Variants in ZMPSTE24 observed in about 807,000 individuals in gnomAD.
ZMPSTE24 encodes zinc metallopeptidase STE24.
ZMPSTE24 carries 48 observed loss-of-function variants against 56.7 expected under a neutral mutation model. That is an observed-to-expected ratio of 0.85 (90% CI 0.67 to 1.08). The LOEUF is 1.08. ZMPSTE24 is among the 50% of genes least tolerant of loss of function. The probability of loss-of-function intolerance (pLI) is 0.00; values close to 1 mark genes in which losing one functional copy is unlikely to be tolerated. For synonymous variants in ZMPSTE24, 172 were observed against 195.2 expected (o/e 0.88, Z 0.99); for missense variants, 503 against 548.7 (o/e 0.92, Z 0.83).
At chr1:40,268,949 G>A (rs866895718) in intron 4 of ZMPSTE24, among the ~76,000 whole-genome samples, 1 of 151,626 alleles carries the variant, frequency 6.6e-6, no homozygotes, top group Admixed American at 6.6e-5. Context: ...GGTGGTGGGC[G>A]CCTGTAGTCC....
At chr1:40,260,035 T>G (rs957392315) in intron 1 of ZMPSTE24, among the ~76,000 whole-genome samples, 1 of 150,752 alleles carries the variant, frequency 6.6e-6, no homozygotes, top group Non-Finnish European at 1.5e-5. Flanking sequence ...TTTAGTATAA[T>G]GAGATAGTTG....
rs1318043497 is a variant in ZMPSTE24 at position 40,286,019 on chromosome 1, T to C, written c.1049T>C (p.Ile350Thr). 4.3e-6 allele frequency: 7 copies of C among 1,613,288 alleles called. No homozygotes were observed. The highest frequency in any genetic ancestry group is 1.7e-5 in the Admixed American group (1 of 59,986). The change falls in exon 8 of 10, where the codon ATT (isoleucine) becomes ACT (threonine). Residue 350 changes from isoleucine to threonine, a missense_variant. Coordinates refer to ENST00000372759, the MANE Select transcript of ZMPSTE24 (RefSeq NM_005857.5). ...WKLGHTVKNIIISQMNSFLCF... is the reference protein window; with the variant it reads ...WKLGHTVKNITISQMNSFLCF... ...TTGGGACATACAGTCAAAAATATCA[T>C]TATTAGCCAGGTAAGTGTGGAGTGA... is the stretch of plus-strand genomic sequence containing the variant.
At chr1:40,285,839 A>G in intron 7 of ZMPSTE24, 86 bp from the exon 8 acceptor site, 2 of 1,074,558 alleles carry the variant, frequency 1.9e-6, no homozygotes, top group Non-Finnish European at 2.7e-6. Context: ...TCTTTAAGTT[A>G]AAATCTATGA....
intron 7 of ZMPSTE24, among the ~76,000 whole-genome samples, 162 bp from the exon 8 acceptor site, chr1:40,285,763 T>C (rs1205793986): frequency 2.0e-5 from 3 of 152,162 alleles, no homozygotes; most frequent in Admixed American, 1.3e-4. Context: ...CACTGTCTCA[T>C]GTGGAGCAGT....
At chr1:40,291,276 G>C (rs924763668) in intron 9 of ZMPSTE24, among the ~76,000 whole-genome samples, 2 of 152,194 alleles carry the variant, frequency 1.3e-5, no homozygotes, top group African/African-American at 4.8e-5. Flanking sequence ...TTAACTATTG[G>C]AATGTTGTGT....
rs138014589 is a variant in ZMPSTE24 at position 40,290,959 on chromosome 1, T to C, written c.1165T>C (p.Leu389=). The change falls in exon 9 of 10, where the codon TTG becomes CTG. Residue 389 remains leucine (L), a synonymous_variant. Coordinates refer to ENST00000372759, the MANE Select transcript of ZMPSTE24 (RefSeq NM_005857.5). ...YDSQPTLIGL[L]IIFQFIFSPY... ...TAGCCAACCCACTCTTATTGGACTA[T>C]TGATCATCTTCCAGTTTATTTTTTC... 135 of 1,614,142 alleles carry C rather than the reference T, an allele frequency of 8.4e-5. No homozygotes were observed. Among genetic ancestry groups the C allele is most frequent in the Admixed American group, 3.2e-4 (19 of 60,030 alleles).
intron 7 of ZMPSTE24, among the ~76,000 whole-genome samples, chr1:40,284,485 C>G (rs902089221): frequency 6.6e-6 from 1 of 151,978 alleles, no homozygotes; most frequent in Non-Finnish European, 1.5e-5. Context: ...CACACAGCGG[C>G]TCATGCCTGT....
At chr1:40,264,684 T>C (rs1643531911) in intron 2 of ZMPSTE24, among the ~76,000 whole-genome samples, 1 of 151,866 alleles carries the variant, frequency 6.6e-6, no homozygotes. Context: ...GAGACCAGCC[T>C]GGGAAACATA....
chr1:40,276,455 G>A (rs1464631807), intron 6 of ZMPSTE24, among the ~76,000 whole-genome samples: 1 of 152,212 alleles, frequency 6.6e-6, no homozygotes, highest in Non-Finnish European at 1.5e-5. Flanking sequence ...AAAACCAGGA[G>A]AAGATCGTGT....
At chr1:40,278,230 C>T (rs1643690049) in intron 6 of ZMPSTE24, among the ~76,000 whole-genome samples, 1 of 151,706 alleles carries the variant, frequency 6.6e-6, no homozygotes. Flanking sequence ...TTCAAATTCC[C>T]AAGAGAAATA....
chr1:40,287,948 G>A (rs554378548), intron 8 of ZMPSTE24, among the ~76,000 whole-genome samples: 1 of 151,946 alleles, frequency 6.6e-6, no homozygotes, highest in African/African-American at 2.4e-5. Flanking sequence ...AGGTTGACGA[G>A]GGAAGATCAT....
At chr1:40,264,194 C>T (rs1226771262) in intron 2 of ZMPSTE24, among the ~76,000 whole-genome samples, 2 of 152,020 alleles carry the variant, frequency 1.3e-5, no homozygotes, top group East Asian at 3.9e-4. Flanking sequence ...ATTAGCCTGG[C>T]GTGTTGGCAC....
intron 6 of ZMPSTE24, among the ~76,000 whole-genome samples, chr1:40,273,045 A>T (rs1032574128): frequency 1.3e-5 from 2 of 152,230 alleles, no homozygotes; most frequent in African/African-American, 2.4e-5. Context: ...TAAATGGCAG[A>T]TTGGATTTGG....
In ZMPSTE24 at chr1:40,292,960, A is replaced by G. The variant is rs1643858876; in HGVS notation, c.*291A>G. On this transcript the variant is annotated 3_prime_UTR_variant, in exon 10 of 10. Transcript: ENST00000372759. ...AAAATACAGAACTCGTTTTATTTGTATACTTATATGGAATCTGCATGTGAG... is the reference window on the plus strand; with the variant it reads ...AAAATACAGAACTCGTTTTATTTGTGTACTTATATGGAATCTGCATGTGAG... The G allele has an allele frequency of 1.5e-5, 5 of 342,340 alleles. No individual in the cohort carries two copies. Among genetic ancestry groups the G allele is most frequent in the South Asian group, 7.7e-5 (3 of 38,852 alleles). The allele number at this position is 342,340 out of a possible 1,614,324, so 21.2% of individuals were successfully genotyped here. A position where few individuals can be genotyped will look rare whatever the true frequency, so the allele number is the denominator to read the frequency against.
chr1:40,264,894 A>C (rs1643534134), intron 2 of ZMPSTE24, among the ~76,000 whole-genome samples: 1 of 151,512 alleles, frequency 6.6e-6, no homozygotes, highest in African/African-American at 2.4e-5. Context: ...AAAAAAAAAA[A>C]AAAAAAGAAT....
At chr1:40,288,492 T>C (rs1643808451) in intron 8 of ZMPSTE24, among the ~76,000 whole-genome samples, 1 of 152,236 alleles carries the variant, frequency 6.6e-6, no homozygotes, top group African/African-American at 2.4e-5. Flanking sequence ...ATTGCTTCTC[T>C]GGACAGATTG....
At chr1:40,258,686 C>T (rs1643464294) in intron 1 of ZMPSTE24, among the ~76,000 whole-genome samples, 1 of 152,188 alleles carries the variant, frequency 6.6e-6, no homozygotes, top group African/African-American at 2.4e-5. Context: ...TGGGCCCAGA[C>T]TTGGCCTCCT....
chr1:40,273,620 T>C (rs1334569808), intron 6 of ZMPSTE24, among the ~76,000 whole-genome samples: 1 of 137,928 alleles, frequency 7.3e-6, no homozygotes, highest in African/African-American at 2.7e-5. Flanking sequence ...AAAGGCACGA[T>C]TGGAGTAGCT....
rs79294887 is a variant in ZMPSTE24, at chr1:40,271,663, A to G, written c.628-231A>G. Among the ~76,000 whole-genome samples, 656 of 152,334 alleles carry G rather than the reference A, an allele frequency of 4.3e-3. 7 individuals carry two copies. Among genetic ancestry groups the G allele is most frequent in the African/African-American group, 0.015 (642 of 41,578 alleles). The stretch of plus-strand genomic sequence containing the variant: ...TAGTAGCATTATCCTTTAAAATAAA[A>G]TTCATAAGTTTACTCTGTTATCAGA... On this transcript the variant is annotated intron_variant, in intron 5 of 9. Coordinates refer to ENST00000372759, the MANE Select transcript of ZMPSTE24 (RefSeq NM_005857.5).
Sources: allele counts gnomAD v4.1 joint callset (sites outside exome capture counted in the v4.1 genomes callset), GRCh38; gene constraint gnomAD v4.1.1; transcripts MANE v1.5; gene names NCBI Gene and HGNC (gene_info 2026-07-23, HGNC 2026-07-21).